The following C2CD2 variants were observed in gnomAD, a reference collection of about 807,000 sequenced individuals.
C2CD2 encodes C2 domain-containing protein 2.
Under a neutral mutation model 74.3 loss-of-function variants are expected in C2CD2, and 43 were observed. That is an observed-to-expected ratio of 0.58 (90% CI 0.45 to 0.75). C2CD2 has a LOEUF of 0.75. Ranked by LOEUF, C2CD2 falls within the 30% of genes least tolerant of loss-of-function variation. The pLI is 0.00. For missense variants in C2CD2, 801 were observed against 916.3 expected (o/e 0.87, Z 1.63); for synonymous variants, 422 against 390.7 (o/e 1.08, Z -0.94).
chr21:41,918,167 C>A lies in C2CD2; in HGVS notation c.658G>T (p.Ala220Ser). The change falls in exon 5 of 14, where the codon GCT becomes TCT. Residue 220 changes from alanine to serine, a missense_variant. Coordinates refer to ENST00000380486, the MANE Select transcript of C2CD2 (RefSeq NM_015500.2). ...ACCACTGATGGAGAGGCAGAACCAGCCAAATGCTTCAAGATGTCCTTGAGA... is the reference window on the plus strand; with the variant it reads ...ACCACTGATGGAGAGGCAGAACCAGACAAATGCTTCAAGATGTCCTTGAGA... ...DVLKDILKHLAGSASPSVVLI... is the reference protein window; with the variant it reads ...DVLKDILKHLSGSASPSVVLI... 6.2e-7 allele frequency: 1 copy of A among 1,614,130 alleles called. No individual in the cohort carries two copies. Among genetic ancestry groups the A allele is most frequent in the Non-Finnish European group, 8.5e-7 (1 of 1,180,006 alleles).
intron 2 of C2CD2, among the ~76,000 whole-genome samples, chr21:41,941,085 G>A (rs908520878): frequency 5.9e-5 from 9 of 152,098 alleles, no homozygotes; most frequent in African/African-American, 2.2e-4. Flanking sequence ...GTCATGGAGA[G>A]TCACATCTAT....
In C2CD2 at chr21:41,923,803, A is replaced by C. The variant is rs796250413; in HGVS notation, c.379-1718T>G. ...TCTACAGAAGCTGATGTAGAATGAG[A>C]GGTCAGACCCCTCCCCGCTCCCCTC... On this transcript the variant is annotated intron_variant, in intron 2 of 13. Transcript: ENST00000380486. The surrounding 1 kb of genome is among the most constrained non-coding windows in gnomAD (Gnocchi z 5.8). Among the ~76,000 whole-genome samples, 6 of 152,258 alleles carry C rather than the reference A, an allele frequency of 3.9e-5. No individual in the cohort carries two copies. Among genetic ancestry groups the C allele is most frequent in the African/African-American group, 1.4e-4 (6 of 41,550 alleles).
intron 2 of C2CD2, among the ~76,000 whole-genome samples, chr21:41,925,409 A>T (rs1299652551): frequency 2.6e-5 from 4 of 152,140 alleles, no homozygotes; most frequent in Non-Finnish European, 2.9e-5. Context: ...ACTTGAGCCC[A>T]AGGGTTTGAG....
Position 41,901,151 on chromosome 21 carries a change from G to A in C2CD2, c.1560+471C>T, listed in dbSNP as rs569831177. On this transcript the variant is annotated intron_variant, in intron 12 of 13. Coordinates refer to ENST00000380486, the MANE Select transcript of C2CD2 (RefSeq NM_015500.2). ...GGACGTCCCAGAGCGGGAGAAGGGGGAGAAAGGGAGTGCGGTGTCCACGGG... is the reference window on the plus strand; with the variant it reads ...GGACGTCCCAGAGCGGGAGAAGGGGAAGAAAGGGAGTGCGGTGTCCACGGG... 31 of 219,046 alleles carry A rather than the reference G, an allele frequency of 1.4e-4. 1 individual carries two copies. The highest frequency in any genetic ancestry group is 3.6e-3 in the Middle Eastern group (2 of 556). The allele number at this position is 219,046 out of a possible 1,614,324, so 13.6% of individuals were successfully genotyped here.
chr21:41,889,127 C>T lies in C2CD2; in HGVS notation c.2088G>A (p.Thr696=), dbSNP rs776023654. The T allele has an allele frequency of 5.3e-5, 85 of 1,611,114 alleles. No individual in the cohort carries two copies. The highest frequency in any genetic ancestry group is 2.9e-4 in the African/African-American group (22 of 74,830). The part of the protein sequence containing the change: ...TMNGAPVEPC[T] ...TTGGAGGTGATGACCTCAGGCCCTA[C>T]GTGCAGGGCTCCACGGGGGCACCGT... The change falls in exon 14 of 14, where the codon ACG becomes ACA. Residue 696 remains threonine, a synonymous_variant. Coordinates refer to ENST00000380486, the MANE Select transcript of C2CD2 (RefSeq NM_015500.2).
Position 41,945,204 on chromosome 21 carries a change from G to A in C2CD2, c.280-2959C>T, listed in dbSNP as rs995318831. Among the ~76,000 whole-genome samples the A allele has an allele frequency of 7.2e-5, 11 of 152,180 alleles. No homozygotes were observed. The highest frequency in any genetic ancestry group is 3.8e-4 in the East Asian group (2 of 5,204). ...AAAAAACTAAAATGAACTCTGTACCGTTGGACTAGAACCCAAGGTACAGGA... is the reference window on the plus strand; with the variant it reads ...AAAAAACTAAAATGAACTCTGTACCATTGGACTAGAACCCAAGGTACAGGA... On this transcript the variant is annotated intron_variant, in intron 1 of 13. Transcript: ENST00000380486. This position sits in a 1 kb window ranked among gnomAD's most constrained non-coding sequence, Gnocchi z 4.2.
At chr21:41,906,926 G>A (rs2064968314) in intron 10 of C2CD2, 66 bp downstream of exon 10, 1 of 1,289,218 alleles carries the variant, frequency 7.8e-7, no homozygotes, top group African/African-American at 1.5e-5. Flanking sequence ...CTGCAGTTGT[G>A]GGGGCAAGGT....
At position 41,953,503 on chromosome 21, in the gene C2CD2, G is replaced by T. The variant is rs746565936; in HGVS notation, c.146C>A (p.Ala49Glu). 6.7e-7 allele frequency: 1 copy of T among 1,482,756 alleles called. No homozygotes were observed. The highest frequency in any genetic ancestry group is 2.3e-5 in the Admixed American group (1 of 43,654). The allele number at this position is 1,482,756 out of a possible 1,614,324, so 91.8% of individuals were successfully genotyped here. A position where few individuals can be genotyped will look rare whatever the true frequency, so the allele number is the denominator to read the frequency against. ...GCGCGGCCCCTCTCCAGGCTCCACC[G>T]CCCGCCGCTGGGGCTGGGGTCGCGC... ...ARARPQPQRR[A>E]VEPGEGPRPG... Residue 49 changes from alanine to glutamate, a missense_variant, in exon 1 of 14, where the codon GCG becomes GAG. Coordinates refer to ENST00000380486, the MANE Select transcript of C2CD2 (RefSeq NM_015500.2).
Position 41,888,423 on chromosome 21 carries a change from A to G in C2CD2, c.*701T>C, listed in dbSNP as rs1032073451. On this transcript the variant is annotated 3_prime_UTR_variant, in exon 14 of 14. Coordinates refer to ENST00000380486, the MANE Select transcript of C2CD2 (RefSeq NM_015500.2). ...GTAAAAACCATGTGAGAATATATATATCTTCCACTTGCAAGTAGGCTCAAA... is the reference window on the plus strand; with the variant it reads ...GTAAAAACCATGTGAGAATATATATGTCTTCCACTTGCAAGTAGGCTCAAA... 6.5e-6 allele frequency: 1 copy of G among 152,690 alleles called. No individual in the cohort carries two copies. The highest frequency in any genetic ancestry group is 1.5e-5 in the Non-Finnish European group (1 of 68,102). The allele number at this position is 152,690 out of a possible 1,614,324, so 9.5% of individuals were successfully genotyped here. A position where few individuals can be genotyped will look rare whatever the true frequency, so the allele number is the denominator to read the frequency against.
intron 13 of C2CD2, among the ~76,000 whole-genome samples, chr21:41,896,718 A>C (rs1280039114): frequency 6.6e-6 from 1 of 151,534 alleles, no homozygotes; most frequent in South Asian, 2.1e-4. Flanking sequence ...AAAAAAAAAA[A>C]AAAAAAAAAA....
intron 8 of C2CD2, 87 bp from the exon 9 acceptor site, chr21:41,907,871 G>T: frequency 7.1e-7 from 1 of 1,414,796 alleles, no homozygotes; most frequent in Non-Finnish European, 1.0e-6. Context: ...CCAGCAGCCG[G>T]AACACGCTCC....
At chr21:41,950,597 G>C (rs1325695594) in intron 1 of C2CD2, among the ~76,000 whole-genome samples, 1 of 152,132 alleles carries the variant, frequency 6.6e-6, no homozygotes, top group Non-Finnish European at 1.5e-5. Flanking sequence ...TCTTCTCGCT[G>C]GCTCTCATTT....
rs527443826 is a variant in C2CD2 at position 41,886,855 on chromosome 21, C to G, written c.*2269G>C. On this transcript the variant is annotated 3_prime_UTR_variant, in exon 14 of 14. Transcript: ENST00000380486. ...ATTAGCCAGGTGTGGTGGCGCGTGC[C>G]TGTAATCCCAGCTACTTGGGAGGCT... 4 of 152,276 alleles carry G rather than the reference C, an allele frequency of 2.6e-5. No individual in the cohort carries two copies. The South Asian group carries it at 8.3e-4, about 32-fold the overall frequency. The allele number at this position is 152,276 out of a possible 1,614,324, so 9.4% of individuals were successfully genotyped here.
At chr21:41,889,955 T>G (rs2064731046) in intron 13 of C2CD2, among the ~76,000 whole-genome samples, 1 of 152,140 alleles carries the variant, frequency 6.6e-6, no homozygotes, top group Non-Finnish European at 1.5e-5. Context: ...ATATCCCTGA[T>G]TTTCTATCAG....
chr21:41,909,184 A>G (rs370935212), intron 8 of C2CD2, among the ~76,000 whole-genome samples: 22 of 152,380 alleles, frequency 1.4e-4, no homozygotes, highest in Non-Finnish European at 2.5e-4. Context: ...AGGGTTCAGA[A>G]CTACTTCTCT....
In C2CD2 at chr21:41,926,213, A is replaced by G. The variant is rs1205197356; in HGVS notation, c.379-4128T>C. Among the ~76,000 whole-genome samples the G allele has an allele frequency of 6.6e-6, 1 of 152,132 alleles. No individual in the cohort carries two copies. The highest frequency in any genetic ancestry group is 1.5e-5 in the Non-Finnish European group (1 of 68,034). On this transcript the variant is annotated intron_variant, in intron 2 of 13. Transcript: ENST00000380486. The surrounding 1 kb of genome is among the most constrained non-coding windows in gnomAD (Gnocchi z 8.0). ...CCATCCCCCAACCTGCATTTTTTTG[A>G]CATTTTTTTTCCCCAAAACAAGCAA...
rs747823705 is a variant in C2CD2, at chr21:41,907,182, GTTAC to G, written c.1144-20_1144-17del. On this transcript the variant is annotated splice_polypyrimidine_tract_variant and intron_variant, in intron 9 of 13. Transcript: ENST00000380486. Reference sequence around the variant, plus strand: ...TGTAAGAGAACTGCAGAGAAGACGCGTTACTTGTTTCTGGTTTTGTGGAAGTTGC... The same window carrying G: ...TGTAAGAGAACTGCAGAGAAGACGCGTTGTTTCTGGTTTTGTGGAAGTTGC... 12 of 1,611,582 alleles carry G rather than the reference GTTAC, an allele frequency of 7.4e-6. No individual in the cohort carries two copies. The highest frequency in any genetic ancestry group is 1.7e-5 in the Admixed American group (1 of 59,986).
intron 2 of C2CD2, 50 bp from the exon 3 acceptor site, chr21:41,922,135 G>A: frequency 1.9e-6 from 2 of 1,054,032 alleles, no homozygotes; most frequent in Non-Finnish European, 2.9e-6. Flanking sequence ...ACAAAGGACA[G>A]CGCGTGCATA....
At chr21:41,900,283 A>T (rs547142) in intron 12 of C2CD2, among the ~76,000 whole-genome samples, 30,494 of 152,086 alleles carry the variant, frequency 0.2, 3,368 homozygotes, top group Middle Eastern at 0.38. Context: ...CAAAAAAATA[A>T]AATAAAATAA....
Sources: allele counts gnomAD v4.1 joint callset (sites outside exome capture counted in the v4.1 genomes callset), GRCh38; gene constraint gnomAD v4.1.1; non-coding constraint Gnocchi (gnomAD v3.1); transcripts MANE v1.5; gene names NCBI Gene and HGNC (gene_info 2026-07-23, HGNC 2026-07-21).